AVPI1: variants seen among roughly 807,000 people sequenced by gnomAD.
The protein encoded by AVPI1 is arginine vasopressin-induced protein 1.
In AVPI1, 9 loss-of-function variants were observed where a neutral mutation model predicts 11.9. The observed-to-expected ratio is 0.76, with a 90% confidence interval of 0.46 to 1.32. AVPI1 has a LOEUF of 1.32. AVPI1 is among the 40% of genes most tolerant of loss of function. AVPI1 has a pLI of 0.00. For synonymous variants in AVPI1, 68 were observed against 78.1 expected, an observed-to-expected ratio of 0.87 and a Z score of 0.68; for missense variants, 207 against 195.8, an observed-to-expected ratio of 1.06 and a Z score of -0.34.
chr10:97,683,736 A>C (rs770689408), intron 1 of AVPI1, among the ~76,000 whole-genome samples: 41 of 152,370 alleles, frequency 2.7e-4, no homozygotes, highest in Non-Finnish European at 4.7e-4. Flanking sequence ...CTTCCACAGA[A>C]GAAATCAAGA....
At chr10:97,678,922 TGTGTGTGTGTGTG>T (rs2041683709) in intron 2 of AVPI1, among the ~76,000 whole-genome samples, 1 of 17,278 alleles carries the variant, frequency 5.8e-5, no homozygotes, top group African/African-American at 2.2e-4. Context: ...TGTGTGTGTG[TGTGTGTGTGTGTG>T]TGTGTGTGTG....
At chr10:97,679,292 G>A (rs1400384876) in intron 2 of AVPI1, among the ~76,000 whole-genome samples, 1 of 151,840 alleles carries the variant, frequency 6.6e-6, no homozygotes, top group African/African-American at 2.4e-5. Context: ...TTACAGGTGT[G>A]TGCCACCACA....
At position 97,678,067 on chromosome 10, in the gene AVPI1, G is replaced by A. The variant is rs778464017; in HGVS notation, c.288-42C>T. The A allele has an allele frequency of 6.9e-6, 11 of 1,582,988 alleles. No individual in the cohort carries two copies. The South Asian group carries it at 1.1e-4, about 16-fold the overall frequency. The stretch of plus-strand genomic sequence containing the variant: ...TATGATTAGCCAACATCAATAGGAA[G>A]AATGGAATGGGGACTTCAAGAGATT... On this transcript the variant is annotated intron_variant, in intron 2 of 2. Transcript: ENST00000370626.
rs1486596494 is a variant in AVPI1, at chr10:97,684,580, C to T, written c.-11+2186G>A. Among the ~76,000 whole-genome samples, 5 of 149,428 alleles carry T rather than the reference C, an allele frequency of 3.3e-5. No homozygotes were observed. The East Asian group carries it at 6.0e-4, about 18-fold the overall frequency. ...TGGCGCAATCTCAGCTCACTGCAACCTCTGCCTCCAAGGTTCAAGCAATTT... is the reference window on the plus strand; with the variant it reads ...TGGCGCAATCTCAGCTCACTGCAACTTCTGCCTCCAAGGTTCAAGCAATTT... On this transcript the variant is annotated intron_variant, in intron 1 of 2. Transcript: ENST00000370626.
chr10:97,681,904 AAAAAAAG>A (rs1451259368), intron 1 of AVPI1, among the ~76,000 whole-genome samples: 3 of 151,210 alleles, frequency 2.0e-5, no homozygotes, highest in Admixed American at 2.0e-4. Context: ...GAAAAAAAAA[AAAAAAAG>A]AAAAAAAGAA....
intron 2 of AVPI1, among the ~76,000 whole-genome samples, chr10:97,678,932 T>A (rs1589942552): frequency 9.0e-5 from 2 of 22,162 alleles, no homozygotes; most frequent in Admixed American, 5.6e-4. Flanking sequence ...TGTGTGTGTG[T>A]GTGTGTGTGT....
intron 1 of AVPI1, among the ~76,000 whole-genome samples, chr10:97,684,182 A>C (rs1363614821): frequency 6.6e-6 from 1 of 152,206 alleles, no homozygotes; most frequent in Non-Finnish European, 1.5e-5. Context: ...GGCAATGACC[A>C]AGCCCGGGGC....
At chr10:97,680,407 A>G (rs2041697992) in intron 1 of AVPI1, among the ~76,000 whole-genome samples, 1 of 152,212 alleles carries the variant, frequency 6.6e-6, no homozygotes, top group Non-Finnish European at 1.5e-5. Context: ...CAGATGAGGA[A>G]TCTGAGGAAA....
Position 97,679,644 on chromosome 10 carries a change from A to G in AVPI1, c.262T>C (p.Ser88Pro). The G allele has an allele frequency of 1.9e-6, 3 of 1,613,374 alleles. No homozygotes were observed. The highest frequency in any genetic ancestry group is 2.5e-6 in the Non-Finnish European group (3 of 1,179,694). The stretch of plus-strand genomic sequence containing the variant: ...CTGAGGCGGCTGCAGTGGTGTAGCG[A>G]GTGGCCCAGGGGTTTCTGCCTTGGG... ...RPPRQKPLGH[S>P]LHHCSRLRIL... Residue 88 changes from serine to proline, a missense_variant, in exon 2 of 3, where the codon TCG (serine) becomes CCG (proline). Ser to Pro is a moderately conservative substitution (Grantham distance 74, BLOSUM62 -1). Coordinates refer to ENST00000370626, the MANE Select transcript of AVPI1 (RefSeq NM_021732.3).
In AVPI1 at chr10:97,677,989, C is replaced by T. The variant is rs774700831; in HGVS notation, c.324G>A (p.Gln108=). 1.9e-6 allele frequency: 3 copies of T among 1,614,180 alleles called. No individual in the cohort carries two copies. The highest frequency in any genetic ancestry group is 1.3e-5 in the African/African-American group (1 of 75,054). ...LEPHSALANP[Q]SATETASSEQ... ...CACTGGAGGCTGTCTCTGTGGCACT[C>T]TGTGGGTTGGCCAGTGCAGAGTGGG... is the stretch of plus-strand genomic sequence containing the variant. Residue 108 remains glutamine (Q), a synonymous_variant, in exon 3 of 3, where the codon CAG becomes CAA. Coordinates refer to ENST00000370626, the MANE Select transcript of AVPI1 (RefSeq NM_021732.3).
At position 97,679,755 on chromosome 10, in the gene AVPI1, C is replaced by T. The variant is rs2041693263; in HGVS notation, c.151G>A (p.Ala51Thr). The T allele has an allele frequency of 1.2e-6, 2 of 1,614,036 alleles. No individual in the cohort carries two copies. The highest frequency in any genetic ancestry group is 1.7e-6 in the Non-Finnish European group (2 of 1,180,052). Residue 51 changes from alanine (A) to threonine (T), a missense_variant, in exon 2 of 3, where the codon GCC becomes ACC. Physicochemically the swap from Ala to Thr is moderately conservative, Grantham distance 58. Transcript: ENST00000370626. ...ALFQRSGDQL[A>T]EERAQIIWEC... ...CAGATGATCTGTGCCCGTTCCTCGG[C>T]CAGCTGGTCCCCGCTGCGTTGAAAC...
chr10:97,678,599 C>T (rs1200777070), intron 2 of AVPI1, among the ~76,000 whole-genome samples: 1 of 151,462 alleles, frequency 6.6e-6, no homozygotes, highest in Admixed American at 6.6e-5. Flanking sequence ...TAAAAGTTTT[C>T]AACAATTTTT....
Position 97,678,918 on chromosome 10 carries a change from TGTGTGTGTGTGTGTGTGTGTGTGTG to T in AVPI1, c.287+676_287+700del, listed in dbSNP as rs2041683406. ...GTGTGTGTGTGTGTGTGTGTGTGTG[TGTGTGTGTGTGTGTGTGTGTGTGTG>T]TGTGTGTGTGTGTGTGTGTGTGTGT... On this transcript the variant is annotated intron_variant, in intron 2 of 2. Transcript: ENST00000370626. 8.4e-4 allele frequency among the ~76,000 whole-genome samples: 11 copies of T among 13,102 alleles called. 1 individual carries two copies. Among genetic ancestry groups the T allele is most frequent in the African/African-American group, 2.1e-3 (9 of 4,290 alleles). The allele number at this position is 13,102 out of a possible 152,430, so 8.6% of individuals were successfully genotyped here. A position where few individuals can be genotyped will look rare whatever the true frequency, so the allele number is the denominator to read the frequency against.
intron 2 of AVPI1, among the ~76,000 whole-genome samples, chr10:97,678,450 T>C (rs1393656501): frequency 6.6e-6 from 1 of 152,178 alleles, no homozygotes; most frequent in African/African-American, 2.4e-5. Flanking sequence ...AGCAGAGAGA[T>C]GAAGCCCAGA....
At chr10:97,682,358 C>T (rs189986955) in intron 1 of AVPI1, among the ~76,000 whole-genome samples, 1 of 152,156 alleles carries the variant, frequency 6.6e-6, no homozygotes, top group Non-Finnish European at 1.5e-5. Flanking sequence ...CATTCCACAG[C>T]CAGCTACAGA....
chr10:97,682,687 A>C (rs2041710701), intron 1 of AVPI1, among the ~76,000 whole-genome samples: 5 of 152,088 alleles, frequency 3.3e-5, no homozygotes, highest in Admixed American at 3.3e-4. Context: ...ACTCTGTCCC[A>C]GTTTCCAGGC....
At position 97,679,628 on chromosome 10, in the gene AVPI1, C is replaced by G. The variant is rs1404469892; in HGVS notation, c.278G>C (p.Ser93Thr). 9.3e-6 allele frequency: 15 copies of G among 1,610,778 alleles called. No individual in the cohort carries two copies. The highest frequency in any genetic ancestry group is 1.3e-5 in the Non-Finnish European group (15 of 1,178,234). Residue 93 changes from serine (S) to threonine (T), a missense_variant, in exon 2 of 3, where the codon AGC becomes ACC. Physicochemically the swap from Ser to Thr is moderately conservative, Grantham distance 58. Coordinates refer to ENST00000370626, the MANE Select transcript of AVPI1 (RefSeq NM_021732.3). The stretch of plus-strand genomic sequence containing the variant: ...GGTTCTAGGAACCTACCTGAGGCGG[C>G]TGCAGTGGTGTAGCGAGTGGCCCAG... ...KPLGHSLHHC[S>T]RLRILEPHSA...
At chr10:97,678,927 G>GACAGGA (rs1170055927) in intron 2 of AVPI1, among the ~76,000 whole-genome samples, 3 of 25,650 alleles carry the variant, frequency 1.2e-4, no homozygotes, top group Non-Finnish European at 1.7e-4. Context: ...GTGTGTGTGT[G>GACAGGA]TGTGTGTGTG....
intron 2 of AVPI1, 137 bp from the exon 3 acceptor site, chr10:97,678,162 C>G: frequency 1.0e-6 from 1 of 961,166 alleles, no homozygotes; most frequent in Non-Finnish European, 1.5e-6. Flanking sequence ...TGGTCTTTCC[C>G]CCTCTGAGAA....
Sources: gnomAD v4.1 joint callset for allele counts (sites outside exome capture counted in the v4.1 genomes callset) on GRCh38, gnomAD v4.1.1 for gene constraint, MANE v1.5 for transcripts, NCBI Gene and HGNC (gene_info 2026-07-23, HGNC 2026-07-21) for gene names.